The following DPH6 variants were observed in gnomAD, a reference collection of about 807,000 sequenced individuals.
DPH6 encodes diphthamine biosynthesis 6, also known as diphthine--ammonia ligase.
In DPH6, 33 loss-of-function variants were observed where a neutral mutation model predicts 38.2. The observed-to-expected ratio is 0.86, with a 90% confidence interval of 0.65 to 1.15. DPH6 has a LOEUF of 1.15. DPH6 is among the 50% of genes most tolerant of loss of function. The probability of loss-of-function intolerance (pLI) is 0.00; values close to 1 mark genes in which losing one functional copy is unlikely to be tolerated. For missense variants in DPH6, 325 were observed against 320.0 expected (o/e 1.02, Z -0.12); for synonymous variants, 108 against 103.0 (o/e 1.05, Z -0.30).
the DPH6 span, among the ~76,000 whole-genome samples, chr15:35,159,036 A>G: frequency 5.3e-5 from 8 of 152,104 alleles, no homozygotes; most frequent in Non-Finnish European, 1.0e-4. Flanking sequence ...CTATATTTAT[A>G]TAGTCGATGT....
chr15:35,210,576 A>C, the DPH6 span, among the ~76,000 whole-genome samples: 1 of 152,230 alleles, frequency 6.6e-6, no homozygotes, highest in Non-Finnish European at 1.5e-5. Context: ...TATTTTAAAT[A>C]GTGTATAAAC....
chr15:35,388,874 C>T (rs2053011393), intron 6 of DPH6, among the ~76,000 whole-genome samples: 1 of 152,006 alleles, frequency 6.6e-6, no homozygotes, highest in African/African-American at 2.4e-5. Context: ...TATTTCTTGC[C>T]TTCTGCTAGC....
At chr15:35,519,589 A>T (rs774802741) in intron 3 of DPH6, 10 of 152,318 alleles carry the variant, frequency 6.6e-5, no homozygotes, top group Non-Finnish European at 8.8e-5. Context: ...AAGTAAAGCC[A>T]CTAGTGAAAA....
intron 3 of DPH6, among the ~76,000 whole-genome samples, chr15:35,316,488 T>C (rs1170858544): frequency 6.6e-6 from 1 of 152,074 alleles, no homozygotes; most frequent in African/African-American, 2.4e-5. Context: ...AAGGACTTAA[T>C]AAATAGGTTA....
Position 35,371,832 on chromosome 15 carries a change from G to C in DPH6, c.*318C>G. 2 of 1,034,108 alleles carry C rather than the reference G, an allele frequency of 1.9e-6. No individual in the cohort carries two copies. Among genetic ancestry groups the C allele is most frequent in the South Asian group, 7.9e-5 (2 of 25,176 alleles). 64.1% of individuals were successfully genotyped at this position (1,034,108 alleles called of 1,614,324 possible). ...AGCAAGAAAGAGAGAAGGAGGAAAAGAAACTAGTGTGATAAAAAAAGAAAT... is the reference window on the plus strand; with the variant it reads ...AGCAAGAAAGAGAGAAGGAGGAAAACAAACTAGTGTGATAAAAAAAGAAAT... On this transcript the variant is annotated 3_prime_UTR_variant, in exon 9 of 9. Transcript: ENST00000256538.
intron 3 of DPH6, among the ~76,000 whole-genome samples, chr15:35,294,952 A>G (rs953555581): frequency 6.6e-6 from 1 of 152,214 alleles, no homozygotes; most frequent in Non-Finnish European, 1.5e-5. Flanking sequence ...CACGGGGCTC[A>G]GTGACATTGC....
At chr15:35,161,078 C>T in the DPH6 span, among the ~76,000 whole-genome samples, 1 of 151,908 alleles carries the variant, frequency 6.6e-6, no homozygotes, top group Non-Finnish European at 1.5e-5. Flanking sequence ...CAACATGGCA[C>T]ATGTATACAT....
intron 5 of DPH6, among the ~76,000 whole-genome samples, chr15:35,412,690 T>A (rs112616574): frequency 3.2e-4 from 49 of 151,788 alleles, no homozygotes; most frequent in African/African-American, 1.2e-3. Flanking sequence ...ATGGAGGAAA[T>A]GTAAATGTAT....
At chr15:35,354,646 G>A (rs926581993) in intron 3 of DPH6, among the ~76,000 whole-genome samples, 4 of 152,120 alleles carry the variant, frequency 2.6e-5, no homozygotes, top group African/African-American at 9.7e-5. Flanking sequence ...TGATCATGGT[G>A]GATAAGCTTT....
rs74641730 is a variant in DPH6, at chr15:35,362,106, C to G, written n.207+11415G>C. Among the ~76,000 whole-genome samples the G allele has an allele frequency of 4.2e-3, 646 of 152,192 alleles. 5 individuals are homozygous for G. Among genetic ancestry groups the G allele is most frequent in the Admixed American group, 8.2e-3 (126 of 15,288 alleles). ...CAGGGGAAGACCTTCACCAGTCAAC[C>G]CAGTTAGAAATTTTGGGTCCTCTTA... On this transcript the variant is annotated intron_variant and non_coding_transcript_variant, in intron 3 of 3. Coordinates refer to the DPH6 transcript ENST00000558973.
chr15:35,311,079 AC>A lies in DPH6; in HGVS notation n.200+62441del, dbSNP rs1322569192. 6.0e-5 allele frequency among the ~76,000 whole-genome samples: 9 copies of A among 150,220 alleles called. No homozygotes were observed. The East Asian group carries it at 1.6e-3, about 26-fold the overall frequency. On this transcript the variant is annotated intron_variant and non_coding_transcript_variant, in intron 3 of 3. Coordinates refer to the DPH6 transcript ENST00000560386. Reference sequence around the variant, plus strand: ...CACCTCAAAAACAACAACAACAACAACAAAAAAAAAAACCCAAAAAAACCAG... The same window carrying A: ...CACCTCAAAAACAACAACAACAACAAAAAAAAAAAAACCCAAAAAAACCAG...
chr15:35,463,147 C>CGT (rs148324106), intron 3 of DPH6, among the ~76,000 whole-genome samples: 1 of 151,380 alleles, frequency 6.6e-6, no homozygotes, highest in African/African-American at 2.4e-5. Flanking sequence ...CGAGTATGTG[C>CGT]GTGTGTGTGT....
intron 3 of DPH6, among the ~76,000 whole-genome samples, chr15:35,504,583 A>C (rs2054669788): frequency 2.0e-5 from 3 of 151,948 alleles, no homozygotes; most frequent in Admixed American, 2.0e-4. Flanking sequence ...TCATTCTTTT[A>C]TTGATAGTTA....
At chr15:35,308,650 T>C (rs777783543) in intron 3 of DPH6, among the ~76,000 whole-genome samples, 1 of 152,242 alleles carries the variant, frequency 6.6e-6, no homozygotes, top group Non-Finnish European at 1.5e-5. Flanking sequence ...CTTTCTTCTT[T>C]ATATGCCATA....
At chr15:35,192,572 C>T in the DPH6 span, among the ~76,000 whole-genome samples, 1 of 152,144 alleles carries the variant, frequency 6.6e-6, no homozygotes, top group African/African-American at 2.4e-5. Context: ...TCTTGCTTCA[C>T]AGGATGGAGC....
chr15:35,372,917 G>GT (rs2052731531), intron 8 of DPH6, among the ~76,000 whole-genome samples: 3 of 151,818 alleles, frequency 2.0e-5, no homozygotes, highest in Admixed American at 2.0e-4. Context: ...CATTTTTATG[G>GT]TAACTAATAT....
intron 3 of DPH6, chr15:35,299,103 T>C: frequency 1.2e-6 from 1 of 846,888 alleles, no homozygotes; most frequent in Non-Finnish European, 2.0e-6. Context: ...CCTTCCTCTC[T>C]GGCGTTTCAC....
At chr15:35,402,692 G>C (rs551239376) in intron 6 of DPH6, among the ~76,000 whole-genome samples, 136 of 152,098 alleles carry the variant, frequency 8.9e-4, no homozygotes, top group African/African-American at 2.9e-3. Flanking sequence ...AGAAGTTTAA[G>C]AAACAATGGC....
intron 5 of DPH6, among the ~76,000 whole-genome samples, chr15:35,423,250 C>T (rs948738626): frequency 4.0e-5 from 6 of 151,600 alleles, no homozygotes; most frequent in African/African-American, 4.8e-5. Context: ...ACAGGTGTGA[C>T]GTGATACCTC....
Sources: gnomAD v4.1 joint callset for allele counts (sites outside exome capture counted in the v4.1 genomes callset) on GRCh38, gnomAD v4.1.1 for gene constraint, MANE v1.5 for transcripts, NCBI Gene and HGNC (gene_info 2026-07-23, HGNC 2026-07-21) for gene names.